The following USH2A variants were observed in gnomAD, a reference collection of about 807,000 sequenced individuals.
USH2A encodes the protein usherin.
Under a neutral mutation model 538.9 loss-of-function variants are expected in USH2A, and 443 were observed. The ratio of observed to expected loss-of-function variants is 0.82; its 90% CI spans 0.76 to 0.89. USH2A has a LOEUF of 0.89. Ranked by LOEUF, USH2A falls within the 40% of genes least tolerant of loss-of-function variation. USH2A has a pLI of 0.00. For missense variants in USH2A, 6,633 were observed against 6,324.8 expected, an observed-to-expected ratio of 1.05 and a Z score of -1.65; for synonymous variants, 2,413 against 2,273.5, an observed-to-expected ratio of 1.06 and a Z score of -1.75.
chr1:216,288,887 T>C (rs2036940762), intron 11 of USH2A, among the ~76,000 whole-genome samples: 1 of 152,170 alleles, frequency 6.6e-6, no homozygotes, highest in Middle Eastern at 3.2e-3. Flanking sequence ...TAATTTCCAT[T>C]TGGCCCTAAG....
intron 41 of USH2A, 38 bp from the exon 42 acceptor site, chr1:215,879,136 A>G (rs771686819): frequency 6.4e-7 from 1 of 1,568,836 alleles, no homozygotes; most frequent in Non-Finnish European, 8.8e-7. Flanking sequence ...GTGTGACGAT[A>G]CAGGAATAGA....
chr1:215,990,802 C>T (rs11120708), intron 35 of USH2A, among the ~76,000 whole-genome samples: 18,434 of 140,176 alleles, frequency 0.13, 1,265 homozygotes, highest in Middle Eastern at 0.22. Flanking sequence ...CACTCTGTCA[C>T]CCAGGCTGGA....
At chr1:215,787,534 C>A (rs527488421) in intron 51 of USH2A, among the ~76,000 whole-genome samples, 6 of 152,120 alleles carry the variant, frequency 3.9e-5, no homozygotes, top group Non-Finnish European at 7.4e-5. Flanking sequence ...TTGTTTTAAT[C>A]CAAGGAAATT....
At chr1:215,679,929 A>G (rs1383089031) in intron 62 of USH2A, among the ~76,000 whole-genome samples, 1 of 152,194 alleles carries the variant, frequency 6.6e-6, no homozygotes, top group Non-Finnish European at 1.5e-5. Context: ...ATTAAATGAG[A>G]TAATCCATGG....
At chr1:215,738,309 C>G (rs897683676) in intron 60 of USH2A, among the ~76,000 whole-genome samples, 2 of 152,068 alleles carry the variant, frequency 1.3e-5, no homozygotes, top group African/African-American at 4.8e-5. Context: ...AAACAGGTTG[C>G]AAAACACTAA....
chr1:216,126,879 T>C (rs1267381145), intron 21 of USH2A, among the ~76,000 whole-genome samples: 1 of 152,170 alleles, frequency 6.6e-6, no homozygotes, highest in South Asian at 2.1e-4. Context: ...CAAAGAAATA[T>C]GGAAAATGCT....
intron 21 of USH2A, among the ~76,000 whole-genome samples, chr1:216,111,562 A>G (rs1231380261): frequency 6.6e-6 from 1 of 152,044 alleles, no homozygotes; most frequent in African/African-American, 2.4e-5. Context: ...GAATGATATG[A>G]CTCAGTTTAA....
At position 216,199,982 on chromosome 1, in the gene USH2A, C is replaced by T. The variant is rs2034946014; in HGVS notation, c.3456G>A (p.Leu1152=). ...KTKPGVPEGN[L]TLSYIIPIGS... is the part of the protein sequence containing the mutation. ...CAATAGGAATGATATAACTTAAAGT[C>T]AAGTTTCCCTCTGGGACCCCTGGTT... is the stretch of plus-strand genomic sequence containing the variant. The change falls in exon 17 of 72, where the codon TTG becomes TTA. Residue 1152 remains leucine (L), a synonymous_variant. Coordinates refer to ENST00000307340, the MANE Select transcript of USH2A (RefSeq NM_206933.4). The T allele has an allele frequency of 6.2e-7, 1 of 1,614,080 alleles. No individual in the cohort carries two copies. The highest frequency in any genetic ancestry group is 1.1e-5 in the South Asian group (1 of 91,072).
At chr1:216,148,169 C>T (rs1246205292) in intron 21 of USH2A, among the ~76,000 whole-genome samples, 5 of 151,946 alleles carry the variant, frequency 3.3e-5, no homozygotes, top group African/African-American at 9.7e-5. Flanking sequence ...GCCTGTTTCC[C>T]TTGCCTCCAT....
At chr1:215,628,735 C>T (rs970255427) in intron 71 of USH2A, 79 bp downstream of exon 71, 22 of 1,476,732 alleles carry the variant, frequency 1.5e-5, no homozygotes, top group Admixed American at 1.0e-4. Context: ...GGGCAGCATT[C>T]GGTGAAGTAC....
chr1:216,262,445 T>C (rs1316655454), intron 11 of USH2A, among the ~76,000 whole-genome samples: 1 of 151,788 alleles, frequency 6.6e-6, no homozygotes, highest in African/African-American at 2.4e-5. Flanking sequence ...AATCAAGAGT[T>C]TTGACAACAG....
At chr1:215,903,920 T>G (rs1360441245) in intron 38 of USH2A, among the ~76,000 whole-genome samples, 1 of 152,120 alleles carries the variant, frequency 6.6e-6, no homozygotes, top group Non-Finnish European at 1.5e-5. Context: ...TGAAGGACAT[T>G]CATTGCTAAA....
chr1:215,861,851 T>TG (rs1664324287), intron 44 of USH2A, among the ~76,000 whole-genome samples: 7 of 121,094 alleles, frequency 5.8e-5, no homozygotes, highest in East Asian at 3.1e-4. Flanking sequence ...TTTTTTTTTT[T>TG]TTTTTTTGAG....
chr1:215,826,260 G>T (rs549362478), intron 47 of USH2A, among the ~76,000 whole-genome samples: 2 of 152,154 alleles, frequency 1.3e-5, no homozygotes, highest in African/African-American at 2.4e-5. Flanking sequence ...TCTTTGGAAT[G>T]TTCTGCTCTT....
chr1:215,705,845 C>T lies in USH2A; in HGVS notation c.12066+22185G>A, dbSNP rs112206172. Among the ~76,000 whole-genome samples, 171 of 152,274 alleles carry T rather than the reference C, an allele frequency of 1.1e-3. 1 individual carries two copies. The highest frequency in any genetic ancestry group is 3.8e-3 in the African/African-American group (157 of 41,562). ...CAAATGGAATATTTAGGACTTTGGC[C>T]GTGCACACATAACTCTTCTGAAAGA... On this transcript the variant is annotated intron_variant, in intron 61 of 71. Coordinates refer to ENST00000307340, the MANE Select transcript of USH2A (RefSeq NM_206933.4).
intron 14 of USH2A, among the ~76,000 whole-genome samples, chr1:216,226,831 C>T (rs1341330384): frequency 2.0e-5 from 3 of 152,146 alleles, no homozygotes; most frequent in Non-Finnish European, 4.4e-5. Flanking sequence ...ATGAGAAATA[C>T]GTAGTCTTCC....
rs1274647531 is a variant in USH2A at position 216,101,623 on chromosome 1, TTG to T, written c.4628-4412_4628-4411del. 5.9e-5 allele frequency among the ~76,000 whole-genome samples: 9 copies of T among 152,344 alleles called. No individual in the cohort carries two copies. In the East Asian group the frequency reaches 1.7e-3, roughly 29 times the overall value. ...GCCAAAATATTTTTGCTTTTAATGTTTGTGTTAAGCTGAAACACTGACTAAAA... is the reference window on the plus strand; with the variant it reads ...GCCAAAATATTTTTGCTTTTAATGTTTGTTAAGCTGAAACACTGACTAAAA... On this transcript the variant is annotated intron_variant, in intron 21 of 71. Coordinates refer to ENST00000307340, the MANE Select transcript of USH2A (RefSeq NM_206933.4).
At chr1:215,802,763 C>A (rs1662374997) in intron 49 of USH2A, among the ~76,000 whole-genome samples, 1 of 151,992 alleles carries the variant, frequency 6.6e-6, no homozygotes, top group Non-Finnish European at 1.5e-5. Flanking sequence ...TGGGTATAAA[C>A]CCAAAAGAAT....
chr1:215,732,682 C>G (rs1660039249), intron 60 of USH2A, among the ~76,000 whole-genome samples: 2 of 149,694 alleles, frequency 1.3e-5, no homozygotes, highest in Non-Finnish European at 3.0e-5. Flanking sequence ...GCTGGGACTA[C>G]AGGTGCCTGC....
Sources: allele counts gnomAD v4.1 joint callset (sites outside exome capture counted in the v4.1 genomes callset), GRCh38; gene constraint gnomAD v4.1.1; transcripts MANE v1.5; gene names NCBI Gene and HGNC (gene_info 2026-07-23, HGNC 2026-07-21).